The following GRAMD1B variants were observed in gnomAD, a reference collection of about 807,000 sequenced individuals.
The protein encoded by GRAMD1B is protein Aster-B.
In GRAMD1B, 37 loss-of-function variants were observed where a neutral mutation model predicts 99.7. The observed-to-expected ratio is 0.37, with a 90% CI of 0.29 to 0.49. The LOEUF is 0.49. Ranked by LOEUF, GRAMD1B falls within the 20% of genes least tolerant of loss-of-function variation. GRAMD1B has a pLI of 0.98. For synonymous variants in GRAMD1B, 427 were observed against 387.6 expected (o/e 1.10, Z -1.19); for missense variants, 888 against 1,009.2 (o/e 0.88, Z 1.63).
intron 1 of GRAMD1B, among the ~76,000 whole-genome samples, chr11:123,414,580 CT>C: frequency 6.6e-6 from 1 of 152,100 alleles, no homozygotes; most frequent in Non-Finnish European, 1.5e-5. Flanking sequence ...TCTGACTACC[CT>C]ATGTCATCCC....
At chr11:123,400,155 G>A (rs920926576) in intron 1 of GRAMD1B, among the ~76,000 whole-genome samples, 23 of 152,116 alleles carry the variant, frequency 1.5e-4, no homozygotes, top group Admixed American at 1.3e-4. Context: ...TACTGTAACA[G>A]AACACCATAG....
chr11:123,562,663 C>T (rs993567256), intron 2 of GRAMD1B, among the ~76,000 whole-genome samples: 1 of 152,156 alleles, frequency 6.6e-6, no homozygotes, highest in Admixed American at 6.5e-5. Flanking sequence ...AGTTTTGCAT[C>T]TGGCCTAGAG....
intron 2 of GRAMD1B, among the ~76,000 whole-genome samples, chr11:123,552,089 G>A (rs531851385): frequency 3.3e-5 from 5 of 151,936 alleles, no homozygotes; most frequent in Admixed American, 6.6e-5. Flanking sequence ...GATCACACAT[G>A]GGGCCCTGTG....
intron 1 of GRAMD1B, chr11:123,431,921 G>C (rs2134182370): frequency 2.5e-6 from 1 of 394,562 alleles, no homozygotes; most frequent in East Asian, 3.6e-5. Flanking sequence ...GCTTCAGGAA[G>C]TTGTGTCTGA....
intron 1 of GRAMD1B, among the ~76,000 whole-genome samples, chr11:123,474,296 C>G (rs1387611302): frequency 6.6e-6 from 1 of 152,084 alleles, no homozygotes; most frequent in Non-Finnish European, 1.5e-5. Context: ...TTGAATCCAA[C>G]AGAACTGCAG....
chr11:123,535,214 C>T (rs966167776), intron 2 of GRAMD1B, among the ~76,000 whole-genome samples: 6 of 150,224 alleles, frequency 4.0e-5, no homozygotes, highest in Non-Finnish European at 8.9e-5. Context: ...AAATTACAAT[C>T]ATGATGCTTC....
chr11:123,361,867 AAG>A (rs1188398972), intron 1 of GRAMD1B, among the ~76,000 whole-genome samples: 1 of 152,214 alleles, frequency 6.6e-6, no homozygotes, highest in Non-Finnish European at 1.5e-5. Flanking sequence ...GAGAAAGAGA[AAG>A]AGAGAGAGAA....
chr11:123,499,596 G>T (rs987301997), intron 2 of GRAMD1B, among the ~76,000 whole-genome samples: 1 of 152,182 alleles, frequency 6.6e-6, no homozygotes, highest in Admixed American at 6.5e-5. Flanking sequence ...CCTCAGGCAT[G>T]TAAGCAATTA....
intron 1 of GRAMD1B, among the ~76,000 whole-genome samples, chr11:123,438,194 G>T (rs1949249473): frequency 6.6e-6 from 1 of 152,174 alleles, no homozygotes; most frequent in South Asian, 2.1e-4. Context: ...TCACAACAAT[G>T]CCTCGGTCCC....
At chr11:123,407,049 C>G (rs1435195687) in intron 1 of GRAMD1B, among the ~76,000 whole-genome samples, 1 of 152,192 alleles carries the variant, frequency 6.6e-6, no homozygotes, top group African/African-American at 2.4e-5. Context: ...AAAATGAAAG[C>G]CTTCTGTAGG....
chr11:123,585,977 A>C (rs1163157005), intron 4 of GRAMD1B, among the ~76,000 whole-genome samples: 1 of 151,568 alleles, frequency 6.6e-6, no homozygotes, highest in Non-Finnish European at 1.5e-5. Flanking sequence ...CCTTTCCTTT[A>C]ATCTCCTACC....
intron 2 of GRAMD1B, among the ~76,000 whole-genome samples, chr11:123,548,325 T>TATATACAC (rs1555067740): frequency 1.2e-4 from 10 of 86,898 alleles, no homozygotes; most frequent in Non-Finnish European, 1.7e-4. Context: ...TATATATATA[T>TATATACAC]ACACACACAC....
chr11:123,386,438 T>C (rs1029586847), intron 1 of GRAMD1B, among the ~76,000 whole-genome samples: 1 of 72,390 alleles, frequency 1.4e-5, no homozygotes, highest in African/African-American at 2.1e-4. Context: ...CAATATACTT[T>C]TTTTTTTTTT....
intron 1 of GRAMD1B, among the ~76,000 whole-genome samples, chr11:123,439,691 G>A (rs1343046301): frequency 6.6e-6 from 1 of 152,066 alleles, no homozygotes; most frequent in African/African-American, 2.4e-5. Context: ...GGCAGTGCAG[G>A]GTCAGAGCTG....
intron 2 of GRAMD1B, among the ~76,000 whole-genome samples, chr11:123,503,288 G>A (rs999170268): frequency 2.6e-5 from 4 of 152,190 alleles, no homozygotes; most frequent in Non-Finnish European, 4.4e-5. Flanking sequence ...CAGTGCAAGG[G>A]ACCAGCTGCT....
At chr11:123,390,722 T>C (rs1387623869) in intron 1 of GRAMD1B, among the ~76,000 whole-genome samples, 2 of 152,244 alleles carry the variant, frequency 1.3e-5, no homozygotes, top group African/African-American at 4.8e-5. Flanking sequence ...TTTGCAGGAT[T>C]GATAATTTCT....
intron 9 of GRAMD1B, 88 bp downstream of exon 9, chr11:123,603,629 C>A: frequency 1.3e-6 from 1 of 780,592 alleles, no homozygotes; most frequent in Non-Finnish European, 2.3e-6. Context: ...AGCACACATG[C>A]CTGTGCAGCC....
intron 2 of GRAMD1B, among the ~76,000 whole-genome samples, chr11:123,563,547 T>C (rs1335783655): frequency 6.6e-6 from 1 of 151,734 alleles, no homozygotes; most frequent in Non-Finnish European, 1.5e-5. Flanking sequence ...GGCCTCACTC[T>C]GTCACCCATG....
intron 1 of GRAMD1B, among the ~76,000 whole-genome samples, chr11:123,400,033 G>A (rs79765307): frequency 0.054 from 8,247 of 152,132 alleles, 727 homozygotes; most frequent in African/African-American, 0.19. Context: ...AATGTCTTTG[G>A]TTCATTTTGT....
Sources: allele counts gnomAD v4.1 joint callset (sites outside exome capture counted in the v4.1 genomes callset), GRCh38; gene constraint gnomAD v4.1.1; transcripts MANE v1.5; gene names NCBI Gene and HGNC (gene_info 2026-07-23, HGNC 2026-07-21).